CFAP53: variants seen among roughly 807,000 people sequenced by gnomAD.
CFAP53 encodes the protein cilia- and flagella-associated protein 53.
Under a neutral mutation model 59.7 loss-of-function variants are expected in CFAP53, and 62 were observed. The ratio of observed to expected loss-of-function variants is 1.04; its 90% CI spans 0.85 to 1.28. The LOEUF (loss-of-function observed/expected upper bound fraction) is 1.28. CFAP53 is among the 50% of genes most tolerant of loss of function. CFAP53 has a pLI of 0.00. For synonymous variants in CFAP53, 218 were observed against 205.7 expected (o/e 1.06, Z -0.51); for missense variants, 629 against 615.6 (o/e 1.02, Z -0.23).
chr18:50,245,300 T>C (rs974672452), intron 5 of CFAP53, among the ~76,000 whole-genome samples: 1 of 147,168 alleles, frequency 6.8e-6, no homozygotes. Flanking sequence ...GAGAATGGCG[T>C]GAACCCAGGA....
At chr18:50,244,337 T>TGGTTA (rs2033721895) in intron 5 of CFAP53, among the ~76,000 whole-genome samples, 2 of 152,096 alleles carry the variant, frequency 1.3e-5, no homozygotes, top group Non-Finnish European at 2.9e-5. Context: ...TCTGATGGTT[T>TGGTTA]AAAGTGTGGC....
intron 7 of CFAP53, among the ~76,000 whole-genome samples, chr18:50,237,960 G>A (rs915278714): frequency 1.3e-5 from 2 of 152,022 alleles, no homozygotes; most frequent in African/African-American, 2.4e-5. Context: ...TTGTTTCATG[G>A]AGGAAAAAAA....
Position 50,261,184 on chromosome 18 carries a change from A to T in CFAP53, c.353T>A (p.Leu118Ter), listed in dbSNP as rs1240506645. The T allele has an allele frequency of 6.3e-7, 1 of 1,587,464 alleles. No individual in the cohort carries two copies. ...TTTCTCCTCAATGGTTTCTTTCTTC[A>T]ATTGCATTTCTGTAAAATACTCATT... ...EENEYFTEMQ[L>*]KKETIEEKKD... Residue 118 changes from leucine to a stop codon, truncating the protein, a stop_gained, in exon 3 of 8, where the codon TTG becomes TAG. Coordinates refer to ENST00000398545, the MANE Select transcript of CFAP53 (RefSeq NM_145020.5). LOFTEE classifies it high-confidence loss of function.
chr18:50,227,583 C>T lies in CFAP53; in HGVS notation c.1343G>A (p.Arg448Lys). The T allele has an allele frequency of 1.9e-6, 3 of 1,614,104 alleles. No homozygotes were observed. Among genetic ancestry groups the T allele is most frequent in the Non-Finnish European group, 2.5e-6 (3 of 1,179,988 alleles). The change falls in exon 8 of 8, where the codon AGG becomes AAG. Residue 448 changes from arginine (R) to lysine (K), a missense_variant. By Grantham distance (26) the Arg-to-Lys change is conservative. Transcript: ENST00000398545. ...GGCGATTTGCATCTGAAGTTGCTTCCTGTACTCCTGGGCTAAACGTTGGCG... is the reference window on the plus strand; with the variant it reads ...GGCGATTTGCATCTGAAGTTGCTTCTTGTACTCCTGGGCTAAACGTTGGCG... Reference protein sequence around the residue: ...ARRQRLAQEYRKQLQMQIAYQ... With the variant: ...ARRQRLAQEYKKQLQMQIAYQ...
In CFAP53 at chr18:50,227,464, G is replaced by A. The variant is rs1319365478; in HGVS notation, c.1462C>T (p.Gln488Ter). ...ACTTGATGGGTGGACAGGACCTCCTGGACCTTGTCCAAACACATCTTGTTT... is the reference window on the plus strand; with the variant it reads ...ACTTGATGGGTGGACAGGACCTCCTAGACCTTGTCCAAACACATCTTGTTT... ...AANKMCLDKV[Q>*]EVLSTHQVLP... Residue 488 changes from glutamine (Q) to a stop codon, truncating the protein, a stop_gained, in exon 8 of 8, where the codon CAG (glutamine) becomes TAG (stop). Transcript: ENST00000398545. LOFTEE classifies it low-confidence loss of function (END_TRUNC). 6.2e-7 allele frequency: 1 copy of A among 1,614,146 alleles called. No individual in the cohort carries two copies.
intron 3 of CFAP53, among the ~76,000 whole-genome samples, chr18:50,254,300 G>T (rs536636344): frequency 6.7e-6 from 1 of 149,208 alleles, no homozygotes; most frequent in Admixed American, 6.7e-5. Context: ...AATTAGAAAT[G>T]GGCAAAAGAT....
intron 3 of CFAP53, among the ~76,000 whole-genome samples, chr18:50,252,767 AT>A (rs767695828): frequency 4.6e-5 from 7 of 152,138 alleles, no homozygotes; most frequent in Non-Finnish European, 1.0e-4. Context: ...CATATCTGTA[AT>A]CCCAACACTT....
chr18:50,247,968 T>A (rs906725927), intron 5 of CFAP53, among the ~76,000 whole-genome samples: 1 of 152,102 alleles, frequency 6.6e-6, no homozygotes, highest in African/African-American at 2.4e-5. Context: ...GTTAAAAAAA[T>A]GATTTAAATG....
intron 3 of CFAP53, among the ~76,000 whole-genome samples, chr18:50,252,802 G>A (rs911353044): frequency 1.3e-5 from 2 of 152,178 alleles, no homozygotes; most frequent in Non-Finnish European, 2.9e-5. Context: ...CAGGAGGATC[G>A]CTGGAGACTA....
At chr18:50,262,991 A>G (rs73434049) in intron 1 of CFAP53, among the ~76,000 whole-genome samples, 3,556 of 152,288 alleles carry the variant, frequency 0.023, 117 homozygotes, top group African/African-American at 0.081. Context: ...TCCACTAAAA[A>G]AGTTAGAAAT....
At position 50,261,252 on chromosome 18, in the gene CFAP53, CAAA is replaced by C. The variant is rs71169499; in HGVS notation, c.300-18_300-16del. On this transcript the variant is annotated splice_polypyrimidine_tract_variant and intron_variant, in intron 2 of 7. Transcript: ENST00000398545. ...GCTCACGTAGCCTGAAACAAAAAGC[CAAA>C]AAAAAAAAAAAAAAAAGAAAACTGT... 131,982 of 1,148,462 alleles carry C rather than the reference CAAA, an allele frequency of 0.11. 19 individuals are homozygous for C. Among genetic ancestry groups the C allele is most frequent in the Middle Eastern group, 0.15 (440 of 3,018 alleles). The allele number at this position is 1,148,462 out of a possible 1,614,324, so 71.1% of individuals were successfully genotyped here. A position where few individuals can be genotyped will look rare whatever the true frequency, so the allele number is the denominator to read the frequency against.
intron 5 of CFAP53, among the ~76,000 whole-genome samples, chr18:50,246,994 G>C (rs2033751545): frequency 1.3e-5 from 2 of 151,686 alleles, no homozygotes; most frequent in Non-Finnish European, 2.9e-5. Flanking sequence ...GTTGCAGTGA[G>C]ATGAGATTGC....
At position 50,261,202 on chromosome 18, in the gene CFAP53, T is replaced by G; in HGVS notation, c.335A>C (p.Tyr112Ser). ...RELLALEENE[Y>S]FTEMQLKKET... ...TTTCTTCAATTGCATTTCTGTAAAA[T>G]ACTCATTTTCTTCTAATGCTAAAAG... is the stretch of plus-strand genomic sequence containing the variant. Residue 112 changes from tyrosine to serine, a missense_variant, in exon 3 of 8, where the codon TAT (tyrosine) becomes TCT (serine). Transcript: ENST00000398545. The G allele has an allele frequency of 6.5e-7, 1 of 1,547,422 alleles. No homozygotes were observed. Among genetic ancestry groups the G allele is most frequent in the South Asian group, 1.2e-5 (1 of 80,500 alleles).
At chr18:50,257,883 AG>A (rs1201707692) in intron 3 of CFAP53, among the ~76,000 whole-genome samples, 7 of 152,216 alleles carry the variant, frequency 4.6e-5, no homozygotes, top group African/African-American at 1.4e-4. Flanking sequence ...TACAAAAATT[AG>A]CTGAGGGTGG....
chr18:50,255,771 C>A (rs2033841880), intron 3 of CFAP53, among the ~76,000 whole-genome samples: 1 of 151,644 alleles, frequency 6.6e-6, no homozygotes, highest in Non-Finnish European at 1.5e-5. Context: ...CATGTCTATT[C>A]ATCGTAGATT....
intron 3 of CFAP53, among the ~76,000 whole-genome samples, chr18:50,260,395 C>T (rs1193366927): frequency 6.6e-6 from 1 of 152,116 alleles, no homozygotes; most frequent in Admixed American, 6.5e-5. Flanking sequence ...GGCATGGTGG[C>T]TCATGCCTGT....
chr18:50,235,371 GC>G (rs2033623655), intron 7 of CFAP53, among the ~76,000 whole-genome samples: 1 of 152,096 alleles, frequency 6.6e-6, no homozygotes, highest in South Asian at 2.1e-4. Flanking sequence ...TTTGAGACCA[GC>G]CTGGCCAATA....
At position 50,266,435 on chromosome 18, in the gene CFAP53, T is replaced by A. The variant is rs1427388305; in HGVS notation, c.-31A>T. Reference sequence around the variant, plus strand: ...AGTCCCCTTCGGGACGGGGGCGGCGTCCGCCGCGTTTCCCCCAACCGTGGC... The same window carrying A: ...AGTCCCCTTCGGGACGGGGGCGGCGACCGCCGCGTTTCCCCCAACCGTGGC... On this transcript the variant is annotated 5_prime_UTR_variant, in exon 1 of 8. Transcript: ENST00000398545. The A allele has an allele frequency of 3.7e-6, 6 of 1,610,460 alleles. No individual in the cohort carries two copies. Among genetic ancestry groups the A allele is most frequent in the African/African-American group, 1.3e-5 (1 of 74,844 alleles).
intron 3 of CFAP53, among the ~76,000 whole-genome samples, chr18:50,252,609 A>G (rs2033812017): frequency 6.6e-6 from 1 of 151,950 alleles, no homozygotes; most frequent in African/African-American, 2.4e-5. Context: ...GGGTCTTGCT[A>G]TGTTGCCAGG....
Sources: gnomAD v4.1 joint callset for allele counts (sites outside exome capture counted in the v4.1 genomes callset) on GRCh38, gnomAD v4.1.1 for gene constraint, MANE v1.5 for transcripts, NCBI Gene and HGNC (gene_info 2026-07-23, HGNC 2026-07-21) for gene names.